The following USP32 variants were observed in gnomAD, a reference collection of about 807,000 sequenced individuals.
The protein encoded by USP32 is ubiquitin specific peptidase 32.
In USP32, 59 loss-of-function variants were observed where a neutral mutation model predicts 204.8. That is an observed-to-expected ratio of 0.29 (90% CI 0.23 to 0.36). USP32 has a LOEUF of 0.36. Ranked by LOEUF, USP32 falls within the 10% of genes least tolerant of loss-of-function variation. The pLI is 1.00. For synonymous variants in USP32, 517 were observed against 678.4 expected (o/e 0.76, Z 3.70); for missense variants, 1,160 against 1,946.4 (o/e 0.60, Z 7.60).
chr17:60,312,807 C>T (rs2087886449), intron 2 of USP32, among the ~76,000 whole-genome samples: 1 of 152,134 alleles, frequency 6.6e-6, no homozygotes, highest in African/African-American at 2.4e-5. Context: ...AACATGAATT[C>T]ACAAAATAAG....
chr17:60,323,174 C>A (rs967834295), intron 2 of USP32, among the ~76,000 whole-genome samples: 1 of 151,944 alleles, frequency 6.6e-6, no homozygotes, highest in Non-Finnish European at 1.5e-5. Context: ...AAATATATAT[C>A]CACGCAAAGG....
intron 1 of USP32, among the ~76,000 whole-genome samples, chr17:60,377,099 ACTCT>A (rs2089560124): frequency 6.6e-6 from 1 of 152,058 alleles, no homozygotes; most frequent in East Asian, 1.9e-4. Flanking sequence ...CTCACCTACT[ACTCT>A]CTCTATATAT....
chr17:60,302,065 G>T (rs2087591435), intron 2 of USP32, among the ~76,000 whole-genome samples: 1 of 152,038 alleles, frequency 6.6e-6, no homozygotes, highest in Admixed American at 6.6e-5. Context: ...TTGCCCAACT[G>T]AAGGCTAATG....
At chr17:60,205,051 C>A (rs2084788068) in intron 26 of USP32, among the ~76,000 whole-genome samples, 5 of 151,924 alleles carry the variant, frequency 3.3e-5, no homozygotes, top group Admixed American at 3.3e-4. Context: ...CTTCAGCCTC[C>A]CAAAGTGTTG....
chr17:60,312,466 C>T (rs1261796484), intron 2 of USP32, among the ~76,000 whole-genome samples: 1 of 151,988 alleles, frequency 6.6e-6, no homozygotes. Context: ...CATTCTATTG[C>T]CCAGGCTGTA....
At chr17:60,333,236 TA>T (rs1218792441) in intron 2 of USP32, among the ~76,000 whole-genome samples, 2 of 152,186 alleles carry the variant, frequency 1.3e-5, no homozygotes, top group Admixed American at 6.5e-5. Context: ...AAACAGTTGA[TA>T]ACACATATTA....
intron 5 of USP32, among the ~76,000 whole-genome samples, chr17:60,281,600 G>T (rs1399928610): frequency 1.3e-5 from 2 of 151,996 alleles, no homozygotes; most frequent in Non-Finnish European, 1.5e-5. Context: ...ATAACAAAAG[G>T]TATTACCTAA....
chr17:60,329,007 A>G (rs565228068), intron 2 of USP32, among the ~76,000 whole-genome samples: 42 of 152,320 alleles, frequency 2.8e-4, no homozygotes, highest in Admixed American at 2.1e-3. Flanking sequence ...TGCCAGGCCA[A>G]GTGGATGGAA....
At chr17:60,329,486 T>C (rs193146592) in intron 2 of USP32, among the ~76,000 whole-genome samples, 22 of 150,848 alleles carry the variant, frequency 1.5e-4, no homozygotes, top group Admixed American at 1.4e-3. Context: ...ATTTATTTTT[T>C]TTTTTTGAGA....
At chr17:60,403,876 C>T (rs2089955312) in intron 1 of USP32, among the ~76,000 whole-genome samples, 1 of 151,626 alleles carries the variant, frequency 6.6e-6, no homozygotes, top group Non-Finnish European at 1.5e-5. Flanking sequence ...TCTATGTCTA[C>T]AAAAAATTAA....
chr17:60,288,448 G>T, intron 5 of USP32, 75 bp downstream of exon 5: 2 of 1,473,274 alleles, frequency 1.4e-6, no homozygotes, highest in Non-Finnish European at 1.8e-6. Flanking sequence ...TCCTTTATAA[G>T]CATATTCTCA....
Position 60,183,370 on chromosome 17 carries a change from A to G in USP32, c.3918T>C (p.Phe1306=), listed in dbSNP as rs1368892117. The G allele has an allele frequency of 1.9e-5, 31 of 1,613,752 alleles. 1 individual carries two copies. The highest frequency in any genetic ancestry group is 1.1e-4 in the East Asian group (5 of 44,896). The part of the protein sequence containing the change: ...QKIVKFPRES[F]DPSAFLVPRD... ...TTGGTACCAAAAAAGCACTTGGATC[A>G]AAACTTTCCCGAGGAAATTTGACAA... Residue 1306 remains phenylalanine (F), a synonymous_variant, in exon 31 of 34, where the codon TTT becomes TTC. Coordinates refer to ENST00000300896, the MANE Select transcript of USP32 (RefSeq NM_032582.4).
chr17:60,384,920 C>G (rs1567889369), intron 1 of USP32, among the ~76,000 whole-genome samples: 1 of 152,106 alleles, frequency 6.6e-6, no homozygotes, highest in Non-Finnish European at 1.5e-5. Context: ...CCAGCCTGGA[C>G]AACACGGCGA....
chr17:60,236,750 A>G (rs904205571), intron 11 of USP32, among the ~76,000 whole-genome samples: 2 of 152,178 alleles, frequency 1.3e-5, no homozygotes, highest in African/African-American at 4.8e-5. Flanking sequence ...GTCAATTCCT[A>G]TTACCACCCT....
At chr17:60,340,570 C>A (rs893549738) in intron 2 of USP32, among the ~76,000 whole-genome samples, 1 of 152,134 alleles carries the variant, frequency 6.6e-6, no homozygotes, top group Admixed American at 6.6e-5. Flanking sequence ...CGACTTTGCA[C>A]GTGAGATGGG....
At chr17:60,288,415 G>A in intron 5 of USP32, 108 bp downstream of exon 5, 3 of 1,331,094 alleles carry the variant, frequency 2.3e-6, no homozygotes, top group Non-Finnish European at 3.0e-6. Context: ...ACTCCAGCCT[G>A]GGACAGAATT....
intron 9 of USP32, among the ~76,000 whole-genome samples, chr17:60,256,181 A>C (rs752360831): frequency 2.0e-5 from 3 of 152,166 alleles, no homozygotes; most frequent in Non-Finnish European, 2.9e-5. Flanking sequence ...CTTTGAAAAA[A>C]AAAATAATAA....
chr17:60,192,892 C>T lies in USP32; in HGVS notation c.3473G>A (p.Arg1158Gln), dbSNP rs763770223. 1.3e-5 allele frequency: 21 copies of T among 1,613,834 alleles called. No homozygotes were observed. Among genetic ancestry groups the T allele is most frequent in the Non-Finnish European group, 1.8e-5 (21 of 1,179,832 alleles). The change falls in exon 28 of 34, where the codon CGA (arginine) becomes CAA (glutamine). Residue 1158 changes from arginine to glutamine, a missense_variant. Around this residue, in one of 8 missense-constraint regions of USP32, gnomAD observed 160 missense variants for 322.5 expected, o/e 0.50. Transcript: ENST00000300896. ...SMGYQYPFTL[R>Q]VVQKDGNSCA... The stretch of plus-strand genomic sequence containing the variant: ...GGAGTTCCCATCTTTCTGCACAACT[C>T]GTAGAGTGAATGGATATTGATAGCC...
intron 2 of USP32, among the ~76,000 whole-genome samples, chr17:60,307,333 T>G (rs1267760067): frequency 1.3e-5 from 2 of 152,176 alleles, no homozygotes; most frequent in Non-Finnish European, 2.9e-5. Flanking sequence ...ACTCCTGGCC[T>G]CAAGTGATCT....
Sources: gnomAD v4.1 joint callset for allele counts (sites outside exome capture counted in the v4.1 genomes callset) on GRCh38, gnomAD v4.1.1 for gene constraint, gnomAD v4.1.1 regional missense constraint, MANE v1.5 for transcripts, NCBI Gene and HGNC (gene_info 2026-07-23, HGNC 2026-07-21) for gene names.